The following SYPL2 variants were observed in gnomAD, a reference collection of about 807,000 sequenced individuals.
SYPL2 encodes synaptophysin like 2, also known as synaptophysin-like protein 2.
A neutral mutation model predicts 31.3 loss-of-function variants in SYPL2; 24 were observed. That is an observed-to-expected ratio of 0.77 (90% CI 0.56 to 1.08). The LOEUF is 1.08. Among genes scored for constraint, SYPL2 ranks in the 50% least tolerant of loss-of-function variants. SYPL2 has a pLI of 0.00. For missense variants in SYPL2, 342 were observed against 360.1 expected (o/e 0.95, Z 0.41); for synonymous variants, 144 against 143.1 (o/e 1.01, Z -0.05).
At position 109,477,969 on chromosome 1, in the gene SYPL2, C is replaced by T; in HGVS notation, c.608C>T (p.Ala203Val). 1 of 1,614,204 alleles carries T rather than the reference C, an allele frequency of 6.2e-7. No individual in the cohort carries two copies. The highest frequency in any genetic ancestry group is 8.5e-7 in the Non-Finnish European group (1 of 1,180,040). ...VCHGEEAVCSAGATPSMGLAN... is the reference protein window; with the variant it reads ...VCHGEEAVCSVGATPSMGLAN... ...CATGGAGAGGAAGCAGTGTGCAGTG[C>T]CGGGGCCACGCCCTCTATGGGCCTG... Residue 203 changes from alanine (A) to valine (V), a missense_variant, in exon 5 of 6, where the codon GCC becomes GTC. By Grantham distance (64) the Ala-to-Val change is moderately conservative. Transcript: ENST00000369872.
intron 4 of SYPL2, 82 bp downstream of exon 4, chr1:109,477,059 C>A: frequency 6.5e-7 from 1 of 1,538,126 alleles, no homozygotes; most frequent in South Asian, 1.1e-5. Context: ...GAGCAGAGGA[C>A]AAGCATGGCG....
intron 2 of SYPL2, among the ~76,000 whole-genome samples, chr1:109,467,984 GACTT>G (rs769396423): frequency 6.6e-6 from 1 of 152,162 alleles, no homozygotes; most frequent in Non-Finnish European, 1.5e-5. Flanking sequence ...CCCTAGGTTA[GACTT>G]ACTTTGTGAC....
chr1:109,472,275 C>A (rs1655858784), intron 2 of SYPL2, among the ~76,000 whole-genome samples: 1 of 151,954 alleles, frequency 6.6e-6, no homozygotes, highest in Non-Finnish European at 1.5e-5. Flanking sequence ...CATCACCACA[C>A]CTGGCTAATT....
chr1:109,473,664 G>A (rs1022979129), intron 2 of SYPL2, among the ~76,000 whole-genome samples: 6 of 152,132 alleles, frequency 3.9e-5, no homozygotes, highest in Non-Finnish European at 7.4e-5. Flanking sequence ...AGGTTGAGGC[G>A]GGCGGATCAC....
At position 109,475,920 on chromosome 1, in the gene SYPL2, A is replaced by T. The variant is rs1454139639; in HGVS notation, c.254+215A>T. 2.0e-5 allele frequency among the ~76,000 whole-genome samples: 3 copies of T among 152,220 alleles called. No individual in the cohort carries two copies. The East Asian group carries it at 5.8e-4, about 29-fold the overall frequency. ...AGGGAAATACAGATTGATCACTGTT[A>T]TAATAATGTTCCAGTCCATGGACAA... On this transcript the variant is annotated intron_variant, in intron 3 of 5. Transcript: ENST00000369872.
In SYPL2 at chr1:109,479,403, T is replaced by TGTGG; in HGVS notation, c.676_679dup (p.Ala227ValfsTer40). 1 of 1,614,166 alleles carries TGTGG rather than the reference T, an allele frequency of 6.2e-7. No homozygotes were observed. Among genetic ancestry groups the TGTGG allele is most frequent in the Non-Finnish European group, 8.5e-7 (1 of 1,180,014 alleles). On this transcript the variant is annotated frameshift_variant, in exon 6 of 6. Transcript: ENST00000369872. LOFTEE classifies it high-confidence loss of function. ...CTCTTTGGCTTTATCAACTTCTTCC[T>TGTGG]GTGGGCCGGGAACTGTTGGTTTGTG...
At chr1:109,469,935 C>A (rs1395194792) in intron 2 of SYPL2, among the ~76,000 whole-genome samples, 1 of 151,134 alleles carries the variant, frequency 6.6e-6, no homozygotes, top group African/African-American at 2.4e-5. Flanking sequence ...GTCCCCTCTG[C>A]TTTCTTGCTT....
At position 109,481,309 on chromosome 1, in the gene SYPL2, A is replaced by T. The variant is rs995454711; in HGVS notation, c.*1761A>T. On this transcript the variant is annotated 3_prime_UTR_variant, in exon 6 of 6. Transcript: ENST00000369872. Reference sequence around the variant, plus strand: ...GAGGAAAGAAAGGAGATGGGGTGAGAGGGTTTTTAAGTCTGAAACTCTCTG... The same window carrying T: ...GAGGAAAGAAAGGAGATGGGGTGAGTGGGTTTTTAAGTCTGAAACTCTCTG... The T allele has an allele frequency of 1.6e-4, 25 of 152,696 alleles. No homozygotes were observed. The highest frequency in any genetic ancestry group is 5.8e-4 in the African/African-American group (24 of 41,520). The allele number at this position is 152,696 out of a possible 1,614,324, so 9.5% of individuals were successfully genotyped here.
intron 2 of SYPL2, among the ~76,000 whole-genome samples, chr1:109,473,809 G>T (rs1248380339): frequency 6.6e-6 from 1 of 151,862 alleles, no homozygotes; most frequent in Non-Finnish European, 1.5e-5. Flanking sequence ...GCAGGAGAAT[G>T]GTGTGAACGC....
chr1:109,473,736 A>G (rs1655904905), intron 2 of SYPL2, among the ~76,000 whole-genome samples: 1 of 152,092 alleles, frequency 6.6e-6, no homozygotes, highest in Non-Finnish European at 1.5e-5. Context: ...ACTAAAAAAA[A>G]TACAAAAAAT....
In SYPL2 at chr1:109,477,938, G is replaced by C; in HGVS notation, c.577G>C (p.Val193Leu). 6.2e-7 allele frequency: 1 copy of C among 1,614,232 alleles called. No individual in the cohort carries two copies. Among genetic ancestry groups the C allele is most frequent in the East Asian group, 2.2e-5 (1 of 44,880 alleles). Residue 193 changes from valine to leucine, a missense_variant, in exon 5 of 6, where the codon GTG (valine) becomes CTG (leucine). By Grantham distance (32) the Val-to-Leu change is conservative. Transcript: ENST00000369872. ...ATCCAGCTTGACAGCAGCCATGTCA[G>C]TGTGCCATGGAGAGGAAGCAGTGTG... Reference protein sequence around the residue: ...RPSSLTAAMSVCHGEEAVCSA... With the variant: ...RPSSLTAAMSLCHGEEAVCSA...
chr1:109,475,046 A>C (rs1253105491), intron 2 of SYPL2, among the ~76,000 whole-genome samples: 1 of 152,188 alleles, frequency 6.6e-6, no homozygotes, highest in East Asian at 1.9e-4. Flanking sequence ...CTCCAGCTAT[A>C]CCTCCACCAA....
Position 109,466,678 on chromosome 1 carries a change from A to T in SYPL2, c.-166A>T. The T allele has an allele frequency of 4.8e-6, 3 of 628,240 alleles. No homozygotes were observed. The highest frequency in any genetic ancestry group is 7.0e-6 in the Non-Finnish European group (3 of 425,696). The allele number at this position is 628,240 out of a possible 1,614,324, so 38.9% of individuals were successfully genotyped here. A position where few individuals can be genotyped will look rare whatever the true frequency, so the allele number is the denominator to read the frequency against. ...ACAGCAGCGCCCCCGCGTCCCAGCCAGCCAGCCAGCCAGACTGGACTCCGG... is the reference window on the plus strand; with the variant it reads ...ACAGCAGCGCCCCCGCGTCCCAGCCTGCCAGCCAGCCAGACTGGACTCCGG... On this transcript the variant is annotated 5_prime_UTR_variant, in exon 1 of 6. Transcript: ENST00000369872.
rs563642613 is a variant in SYPL2 at position 109,482,061 on chromosome 1, G to C, written c.*2513G>C. 4 of 152,794 alleles carry C rather than the reference G, an allele frequency of 2.6e-5. No individual in the cohort carries two copies. Among genetic ancestry groups the C allele is most frequent in the African/African-American group, 9.6e-5 (4 of 41,572 alleles). 9.5% of individuals were successfully genotyped at this position (152,794 alleles called of 1,614,324 possible). A position where few individuals can be genotyped will look rare whatever the true frequency, so the allele number is the denominator to read the frequency against. On this transcript the variant is annotated 3_prime_UTR_variant, in exon 6 of 6. Transcript: ENST00000369872. ...GGATTGCAGATCAGGGGTGGGGGGA[G>C]AATGTTGCATGTTGTTTTCTGGTGC...
At chr1:109,477,617 CA>C (rs2101006646) in intron 4 of SYPL2, among the ~76,000 whole-genome samples, 200 bp from the exon 5 acceptor site, 1 of 152,242 alleles carries the variant, frequency 6.6e-6, no homozygotes, top group East Asian at 1.9e-4. Context: ...AGGGCATTAG[CA>C]GGGCTAGCCT....
At chr1:109,467,233 C>A (rs1305758622) in intron 2 of SYPL2, 100 bp downstream of exon 2, 3 of 262,402 alleles carry the variant, frequency 1.1e-5, no homozygotes, top group African/African-American at 9.3e-5. Context: ...GTGCTGCGGC[C>A]GGGCCACGGC....
intron 4 of SYPL2, 132 bp downstream of exon 4, chr1:109,477,109 T>G: frequency 9.5e-7 from 1 of 1,055,192 alleles, no homozygotes; most frequent in Non-Finnish European, 1.4e-6. Flanking sequence ...TCCATCAACC[T>G]CCCGTTGCTT....
Position 109,480,089 on chromosome 1 carries a change from T to C in SYPL2, c.*541T>C, listed in dbSNP as rs925590584. ...TCCCATGACTCAGTGTGCCTTCCACTGTCTTCTCTGGCCTCTGCCTGCCCA... is the reference window on the plus strand; with the variant it reads ...TCCCATGACTCAGTGTGCCTTCCACCGTCTTCTCTGGCCTCTGCCTGCCCA... On this transcript the variant is annotated 3_prime_UTR_variant, in exon 6 of 6. Coordinates refer to ENST00000369872, the MANE Select transcript of SYPL2 (RefSeq NM_001040709.2). The C allele has an allele frequency of 6.5e-6, 1 of 153,304 alleles. No homozygotes were observed. Among genetic ancestry groups the C allele is most frequent in the Non-Finnish European group, 1.5e-5 (1 of 68,798 alleles). 9.5% of individuals were successfully genotyped at this position (153,304 alleles called of 1,614,324 possible).
In SYPL2 at chr1:109,476,810, G is replaced by A. The variant is rs754908949; in HGVS notation, c.289G>A (p.Asp97Asn). Reference protein sequence around the residue: ...HRIQYEMPLCDEESSSKTMHL... With the variant: ...HRIQYEMPLCNEESSSKTMHL... ...GATCCAATATGAGATGCCCCTCTGCGATGAAGAGTCCAGCTCCAAGACCAT... is the reference window on the plus strand; with the variant it reads ...GATCCAATATGAGATGCCCCTCTGCAATGAAGAGTCCAGCTCCAAGACCAT... Residue 97 changes from aspartate (D) to asparagine (N), a missense_variant, in exon 4 of 6, where the codon GAT becomes AAT. Transcript: ENST00000369872. The A allele has an allele frequency of 1.2e-5, 19 of 1,614,146 alleles. No homozygotes were observed. The highest frequency in any genetic ancestry group is 1.6e-4 in the Middle Eastern group (1 of 6,062).
Sources: allele counts gnomAD v4.1 joint callset (sites outside exome capture counted in the v4.1 genomes callset), GRCh38; gene constraint gnomAD v4.1.1; transcripts MANE v1.5; gene names NCBI Gene and HGNC (gene_info 2026-07-23, HGNC 2026-07-21).